PLXNA4: variants seen among roughly 807,000 people sequenced by gnomAD.
PLXNA4 encodes the protein plexin A4.
Under a neutral mutation model 191.8 loss-of-function variants are expected in PLXNA4, and 44 were observed. The observed-to-expected ratio is 0.23, with a 90% CI of 0.18 to 0.29. The LOEUF is 0.29. PLXNA4 is among the 10% of genes least tolerant of loss of function. The probability of loss-of-function intolerance (pLI) is 1.00; values close to 1 mark genes in which losing one functional copy is unlikely to be tolerated. For missense variants in PLXNA4, 1,800 were observed against 2,488.8 expected (o/e 0.72, Z 5.89); for synonymous variants, 1,082 against 1,009.5 (o/e 1.07, Z -1.36).
At chr7:132,184,870 T>C (rs1026055622) in intron 16 of PLXNA4, among the ~76,000 whole-genome samples, 5 of 152,042 alleles carry the variant, frequency 3.3e-5, no homozygotes, top group Admixed American at 6.5e-5. Flanking sequence ...AGAACACAGC[T>C]TCCCCCAAGG....
At chr7:132,532,301 C>G (rs916170156) in intron 1 of PLXNA4, among the ~76,000 whole-genome samples, 1 of 152,196 alleles carries the variant, frequency 6.6e-6, no homozygotes, top group African/African-American at 2.4e-5. Flanking sequence ...GAATCTAAAA[C>G]CTGACCATGC....
chr7:132,381,656 T>A (rs1804897999), intron 3 of PLXNA4, among the ~76,000 whole-genome samples: 1 of 152,238 alleles, frequency 6.6e-6, no homozygotes, highest in African/African-American at 2.4e-5. Flanking sequence ...CCCTAGCCCG[T>A]GTTCTACTTC....
rs561371581 is a variant in PLXNA4 at position 132,566,306 on chromosome 7, A to T, written c.-87+10116T>A. ...CTCCCACACTCTCCCTCTCTCTCTC[A>T]CACACACACACATACAATCATTACC... On this transcript the variant is annotated intron_variant, in intron 1 of 31. Transcript: ENST00000321063. Among the ~76,000 whole-genome samples the T allele has an allele frequency of 7.7e-4, 117 of 151,704 alleles. 1 individual carries two copies. The highest frequency in any genetic ancestry group is 3.4e-3 in the Middle Eastern group (1 of 292).
rs1330582395 is a variant in PLXNA4 at position 132,202,704 on chromosome 7, C to A, written c.2528G>T (p.Ser843Ile). ...TLRQHCPAQE[S>I]QWLELSGAKS... Reference sequence around the variant, plus strand: ...GGCACCAGACAGCTCCAGCCACTGGCTCTCCTGGGCAGGGCAGTGCTGGCG... The same window carrying A: ...GGCACCAGACAGCTCCAGCCACTGGATCTCCTGGGCAGGGCAGTGCTGGCG... Residue 843 changes from serine to isoleucine, a missense_variant, in exon 12 of 32, where the codon AGC becomes ATC. Ser to Ile is a moderately radical substitution (Grantham distance 142). Transcript: ENST00000321063. 6.3e-7 allele frequency: 1 copy of A among 1,588,204 alleles called. No homozygotes were observed. The highest frequency in any genetic ancestry group is 1.7e-4 in the Middle Eastern group (1 of 5,904).
chr7:132,546,905 T>A (rs551846444), intron 1 of PLXNA4, among the ~76,000 whole-genome samples: 2 of 152,248 alleles, frequency 1.3e-5, no homozygotes, highest in East Asian at 3.9e-4. Flanking sequence ...CCCATGAGAT[T>A]CACAAAATGA....
intron 3 of PLXNA4, among the ~76,000 whole-genome samples, chr7:132,472,216 T>A (rs1308959770): frequency 1.3e-5 from 2 of 152,236 alleles, no homozygotes; most frequent in Non-Finnish European, 2.9e-5. Flanking sequence ...TTTTTCCCCA[T>A]ATCTTCATTT....
intron 4 of PLXNA4, among the ~76,000 whole-genome samples, chr7:132,262,327 C>G (rs1799676662): frequency 6.6e-6 from 1 of 152,204 alleles, no homozygotes; most frequent in Admixed American, 6.5e-5. Context: ...ATATTCATCT[C>G]CGTCATTAGG....
At chr7:132,261,943 A>G (rs567603212) in intron 4 of PLXNA4, among the ~76,000 whole-genome samples, 69 of 152,194 alleles carry the variant, frequency 4.5e-4, no homozygotes, top group African/African-American at 1.7e-3. Flanking sequence ...CCCAAAACCA[A>G]TCTCAGCTCT....
intron 1 of PLXNA4, among the ~76,000 whole-genome samples, chr7:132,551,128 C>T (rs932215142): frequency 6.6e-6 from 1 of 152,176 alleles, no homozygotes; most frequent in African/African-American, 2.4e-5. Flanking sequence ...TGACAATTCC[C>T]CAACACTCAA....
At chr7:132,543,027 T>C (rs1027523686) in intron 1 of PLXNA4, among the ~76,000 whole-genome samples, 3 of 152,220 alleles carry the variant, frequency 2.0e-5, no homozygotes, top group Non-Finnish European at 4.4e-5. Flanking sequence ...TGTTGACTTA[T>C]TTCCTTGTGT....
In PLXNA4 at chr7:132,337,320, C is replaced by A. The variant is rs190403646; in HGVS notation, c.1372-39098G>T. Among the ~76,000 whole-genome samples the A allele has an allele frequency of 3.4e-3, 517 of 152,374 alleles. 1 individual carries two copies. The highest frequency in any genetic ancestry group is 9.9e-3 in the African/African-American group (411 of 41,584). On this transcript the variant is annotated intron_variant, in intron 3 of 31. Coordinates refer to ENST00000321063, the MANE Select transcript of PLXNA4 (RefSeq NM_020911.2). ...ACATGCACATGCATGTTCATACACA[C>A]TTCCCATGTCCACACATGTCCCCTG...
intron 3 of PLXNA4, among the ~76,000 whole-genome samples, chr7:132,451,124 A>C (rs1242144883): frequency 1.3e-5 from 2 of 152,218 alleles, no homozygotes; most frequent in African/African-American, 4.8e-5. Flanking sequence ...ACCGTGTCTA[A>C]GGAAGGAGCG....
intron 29 of PLXNA4, among the ~76,000 whole-genome samples, chr7:132,142,881 C>T (rs1232064379): frequency 6.6e-6 from 1 of 152,226 alleles, no homozygotes; most frequent in Non-Finnish European, 1.5e-5. Context: ...TCCACATTTG[C>T]TCTGCCGGTT....
intron 3 of PLXNA4, among the ~76,000 whole-genome samples, chr7:132,390,214 A>G (rs1015113053): frequency 6.6e-6 from 1 of 152,186 alleles, no homozygotes; most frequent in African/African-American, 2.4e-5. Context: ...TGGCCCATAC[A>G]TACCATGGAA....
chr7:132,549,816 A>AT (rs1208681368), intron 1 of PLXNA4, among the ~76,000 whole-genome samples: 41 of 151,896 alleles, frequency 2.7e-4, no homozygotes, highest in Non-Finnish European at 3.8e-4. Context: ...GGGGGCTAGG[A>AT]TTTTTTTCTT....
intron 20 of PLXNA4, among the ~76,000 whole-genome samples, chr7:132,176,988 T>C (rs928154274): frequency 6.6e-6 from 1 of 152,118 alleles, no homozygotes; most frequent in Non-Finnish European, 1.5e-5. Flanking sequence ...CATGCATGTG[T>C]GCATGTGAGT....
chr7:132,132,897 C>G, intron 31 of PLXNA4, 152 bp downstream of exon 31: 1 of 1,112,674 alleles, frequency 9.0e-7, no homozygotes, highest in Non-Finnish European at 1.2e-6. Context: ...AGCATCCCAG[C>G]CTTTGGATCA....
intron 2 of PLXNA4, among the ~76,000 whole-genome samples, chr7:132,588,388 A>C (rs1802541161): frequency 6.6e-6 from 1 of 152,150 alleles, no homozygotes; most frequent in Non-Finnish European, 1.5e-5. Context: ...CTTCTTCTGC[A>C]GGAGTTCCAA....
intron 30 of PLXNA4, among the ~76,000 whole-genome samples, chr7:132,140,215 T>C (rs1233942403): frequency 6.6e-6 from 1 of 152,244 alleles, no homozygotes; most frequent in African/African-American, 2.4e-5. Context: ...CTCCAGCCTT[T>C]TCTGCAGCAA....
Sources: gnomAD v4.1 joint callset for allele counts (sites outside exome capture counted in the v4.1 genomes callset) on GRCh38, gnomAD v4.1.1 for gene constraint, MANE v1.5 for transcripts, NCBI Gene and HGNC (gene_info 2026-07-23, HGNC 2026-07-21) for gene names.